Variants in ERC2 observed in about 807,000 individuals in gnomAD.
ERC2 encodes the protein ELKS/RAB6-interacting/CAST family member 2, also known as ERC protein 2.
A neutral mutation model predicts 114.8 loss-of-function variants in ERC2; 42 were observed. The observed-to-expected ratio is 0.37, with a 90% CI of 0.29 to 0.47. The LOEUF (loss-of-function observed/expected upper bound fraction) is 0.47, where lower values mean the gene tolerates loss of function less well. ERC2 is among the 20% of genes least tolerant of loss of function. The pLI, the probability that ERC2 is intolerant of heterozygous loss-of-function variation, is 0.99. For synonymous variants in ERC2, 454 were observed against 425.5 expected, an observed-to-expected ratio of 1.07 and a Z score of -0.82; for missense variants, 939 against 1,150.7, an observed-to-expected ratio of 0.82 and a Z score of 2.66.
At chr3:55,648,383 C>T (rs1021357717) in intron 17 of ERC2, among the ~76,000 whole-genome samples, 3 of 152,166 alleles carry the variant, frequency 2.0e-5, no homozygotes, top group African/African-American at 7.2e-5. Context: ...GACATCTTAA[C>T]AGTGCCACAT....
At chr3:55,968,248 T>C (rs1186081096) in intron 12 of ERC2, among the ~76,000 whole-genome samples, 1 of 152,182 alleles carries the variant, frequency 6.6e-6, no homozygotes, top group Non-Finnish European at 1.5e-5. Context: ...TGGCTGTTGA[T>C]GTTTATTTTC....
intron 4 of ERC2, among the ~76,000 whole-genome samples, chr3:56,157,615 T>A (rs1300927717): frequency 6.6e-6 from 1 of 152,192 alleles, no homozygotes; most frequent in African/African-American, 2.4e-5. Context: ...TCTCTCCTTG[T>A]TAGCCTTCTA....
intron 3 of ERC2, chr3:56,173,787 C>T (rs1254798576): frequency 1.7e-5 from 7 of 421,890 alleles, no homozygotes; most frequent in Non-Finnish European, 3.0e-5. Flanking sequence ...TAATCATAGT[C>T]CAAATACTGT....
Position 55,699,376 on chromosome 3 carries a change from A to T in ERC2, c.2847+2T>A. Reference sequence around the variant, plus strand: ...TTGGAGGTAAGCAGCGATGAAACTGACCTGGTCCGGAGAGGGCCTGTGATT... The same window carrying T: ...TTGGAGGTAAGCAGCGATGAAACTGTCCTGGTCCGGAGAGGGCCTGTGATT... On this transcript the variant is annotated splice_donor_variant, in intron 16 of 17. Transcript: ENST00000288221. LOFTEE classifies it high-confidence loss of function. 1.2e-6 allele frequency: 2 copies of T among 1,613,680 alleles called. No individual in the cohort carries two copies. The highest frequency in any genetic ancestry group is 1.7e-6 in the Non-Finnish European group (2 of 1,179,784).
At chr3:56,444,162 G>A (rs1302492288) in intron 1 of ERC2, among the ~76,000 whole-genome samples, 7 of 150,002 alleles carry the variant, frequency 4.7e-5, no homozygotes, top group African/African-American at 7.4e-5. Context: ...TAGTAGAGAC[G>A]GGGTTTCACC....
At chr3:56,023,919 A>G (rs1052505012) in intron 7 of ERC2, among the ~76,000 whole-genome samples, 3 of 152,192 alleles carry the variant, frequency 2.0e-5, no homozygotes, top group Non-Finnish European at 4.4e-5. Flanking sequence ...ATAAAAAGTG[A>G]TGGAGAAAGT....
At chr3:55,567,114 G>A (rs2056425878) in intron 17 of ERC2, among the ~76,000 whole-genome samples, 1 of 152,240 alleles carries the variant, frequency 6.6e-6, no homozygotes, top group Non-Finnish European at 1.5e-5. Flanking sequence ...ATATGGAGGG[G>A]AGGGCAGGCA....
intron 13 of ERC2, among the ~76,000 whole-genome samples, chr3:55,942,539 C>T (rs1271671910): frequency 2.0e-5 from 3 of 151,246 alleles, no homozygotes; most frequent in Non-Finnish European, 1.5e-5. Context: ...CCTCGTGATC[C>T]GCCCGCCTCG....
chr3:55,646,899 T>G (rs931854800), intron 17 of ERC2: 3 of 152,118 alleles, frequency 2.0e-5, no homozygotes, highest in Non-Finnish European at 4.4e-5. Context: ...AAAAATCAGA[T>G]TTCGAACAAT....
At chr3:56,190,809 A>G (rs1483826290) in intron 3 of ERC2, among the ~76,000 whole-genome samples, 1 of 152,102 alleles carries the variant, frequency 6.6e-6, no homozygotes, top group African/African-American at 2.4e-5. Context: ...CCTGGGTTCA[A>G]GAGACCCTCC....
chr3:55,865,636 C>A (rs1416794709), intron 14 of ERC2, among the ~76,000 whole-genome samples: 1 of 152,096 alleles, frequency 6.6e-6, no homozygotes, highest in Non-Finnish European at 1.5e-5. Context: ...TTCCACCAGC[C>A]CTAGGCAACC....
chr3:56,166,136 A>G (rs2082314750), intron 4 of ERC2, among the ~76,000 whole-genome samples: 1 of 151,986 alleles, frequency 6.6e-6, no homozygotes, highest in Non-Finnish European at 1.5e-5. Flanking sequence ...CTTTTTCTGT[A>G]CCTATGAATT....
At chr3:55,518,464 A>G (rs1220100683) in intron 17 of ERC2, among the ~76,000 whole-genome samples, 1 of 152,250 alleles carries the variant, frequency 6.6e-6, no homozygotes, top group African/African-American at 2.4e-5. Flanking sequence ...AAATGCTACA[A>G]TCCTGAGATA....
intron 3 of ERC2, among the ~76,000 whole-genome samples, chr3:56,179,063 A>AT (rs1195010062): frequency 6.6e-6 from 1 of 151,988 alleles, no homozygotes; most frequent in Non-Finnish European, 1.5e-5. Flanking sequence ...TGAGCTAAAA[A>AT]AAAAAAAAAA....
At chr3:55,627,402 GT>G (rs2059562114) in intron 17 of ERC2, among the ~76,000 whole-genome samples, 1 of 152,016 alleles carries the variant, frequency 6.6e-6, no homozygotes. Flanking sequence ...GGAGGCAGAG[GT>G]TGCAGTGAGC....
chr3:55,957,009 A>G (rs990230304), intron 12 of ERC2, among the ~76,000 whole-genome samples: 1 of 152,182 alleles, frequency 6.6e-6, no homozygotes, highest in African/African-American at 2.4e-5. Context: ...CAACATACTT[A>G]AAAAAGACAT....
At chr3:55,630,764 A>G (rs2059719723) in intron 17 of ERC2, among the ~76,000 whole-genome samples, 1 of 152,226 alleles carries the variant, frequency 6.6e-6, no homozygotes, top group Non-Finnish European at 1.5e-5. Flanking sequence ...GTTTTACACA[A>G]AGATTTTTTT....
intron 6 of ERC2, among the ~76,000 whole-genome samples, chr3:56,102,775 G>T (rs1468616558): frequency 6.6e-6 from 1 of 152,142 alleles, no homozygotes; most frequent in Non-Finnish European, 1.5e-5. Context: ...TCTTCTTCTT[G>T]AACCCACTGA....
chr3:56,124,738 T>G (rs183763246), intron 6 of ERC2, among the ~76,000 whole-genome samples: 1 of 152,106 alleles, frequency 6.6e-6, no homozygotes, highest in Admixed American at 6.5e-5. Flanking sequence ...CATCTAGAGA[T>G]GACGAGCACC....
Sources: allele counts gnomAD v4.1 joint callset (sites outside exome capture counted in the v4.1 genomes callset), GRCh38; gene constraint gnomAD v4.1.1; transcripts MANE v1.5; gene names NCBI Gene and HGNC (gene_info 2026-07-23, HGNC 2026-07-21).